The following CNTN4 variants were observed in gnomAD, a reference collection of about 807,000 sequenced individuals.
CNTN4 encodes the protein contactin 4, also known as contactin-4.
A neutral mutation model predicts 122.5 loss-of-function variants in CNTN4; 77 were observed. That is an observed-to-expected ratio of 0.63 (90% CI 0.52 to 0.76). The LOEUF is 0.76. Ranked by LOEUF, CNTN4 falls within the 30% of genes least tolerant of loss-of-function variation. The pLI is 0.00. For missense variants in CNTN4, 1,256 were observed against 1,259.1 expected, an observed-to-expected ratio of 1.00 and a Z score of 0.04; for synonymous variants, 512 against 447.0, an observed-to-expected ratio of 1.15 and a Z score of -1.83.
intron 2 of CNTN4, among the ~76,000 whole-genome samples, chr3:2,185,857 G>A (rs2037228071): frequency 6.6e-6 from 1 of 151,854 alleles, no homozygotes; most frequent in South Asian, 2.1e-4. Context: ...GAGGCATGTG[G>A]GACTCCATAG....
At chr3:2,919,734 G>C (rs1042905616) in intron 12 of CNTN4, among the ~76,000 whole-genome samples, 19 of 152,174 alleles carry the variant, frequency 1.2e-4, no homozygotes, top group African/African-American at 4.1e-4. Context: ...AAGTCGATGT[G>C]ATTACAGAGT....
chr3:2,120,397 ATATATATATTT>A (rs2033678534), intron 2 of CNTN4, among the ~76,000 whole-genome samples: 1 of 30,668 alleles, frequency 3.3e-5, no homozygotes, highest in African/African-American at 9.2e-5. Flanking sequence ...ATATATATAT[ATATATATATTT>A]TTTTTTTTTT....
intron 7 of CNTN4, among the ~76,000 whole-genome samples, chr3:2,829,241 A>G (rs142685808): frequency 3.5e-4 from 54 of 152,280 alleles, no homozygotes; most frequent in African/African-American, 1.2e-3. Flanking sequence ...TTATAAGGTG[A>G]TGCCTTTCTG....
At chr3:2,686,395 C>T (rs1246786221) in intron 4 of CNTN4, among the ~76,000 whole-genome samples, 3 of 152,104 alleles carry the variant, frequency 2.0e-5, no homozygotes, top group African/African-American at 4.8e-5. Context: ...ACCCACTCCA[C>T]CCAACCCTAC....
chr3:2,630,382 T>G (rs1344451681), intron 4 of CNTN4, among the ~76,000 whole-genome samples: 1 of 152,282 alleles, frequency 6.6e-6, no homozygotes, highest in Non-Finnish European at 1.5e-5. Flanking sequence ...GAGGTTGCAG[T>G]GAGCCAAGAT....
chr3:2,379,594 G>A (rs1312314862), intron 3 of CNTN4, among the ~76,000 whole-genome samples: 1 of 152,130 alleles, frequency 6.6e-6, no homozygotes, highest in Non-Finnish European at 1.5e-5. Context: ...TATAAAATAT[G>A]TCAGGGATAG....
At chr3:2,677,477 C>CACCTAT in intron 4 of CNTN4, among the ~76,000 whole-genome samples, 1 of 26,506 alleles carries the variant, frequency 3.8e-5, no homozygotes, top group African/African-American at 1.4e-4. Flanking sequence ...TCCATCTATC[C>CACCTAT]ATCTATATCT....
At chr3:2,925,940 T>A (rs2094469507) in intron 13 of CNTN4, among the ~76,000 whole-genome samples, 161 bp downstream of exon 13, 1 of 152,188 alleles carries the variant, frequency 6.6e-6, no homozygotes, top group South Asian at 2.1e-4. Context: ...AAGTTATTGA[T>A]CTTTATAGTC....
At chr3:2,548,677 A>G (rs2078349898) in intron 3 of CNTN4, among the ~76,000 whole-genome samples, 1 of 152,056 alleles carries the variant, frequency 6.6e-6, no homozygotes, top group African/African-American at 2.4e-5. Flanking sequence ...TTGGTTCCAT[A>G]TGAAATTTGA....
At chr3:2,837,905 C>T (rs2093263686) in intron 7 of CNTN4, among the ~76,000 whole-genome samples, 1 of 152,128 alleles carries the variant, frequency 6.6e-6, no homozygotes, top group African/African-American at 2.4e-5. Flanking sequence ...TTATTTTCAA[C>T]AAAGTCCCAT....
chr3:2,358,751 T>G (rs1389750404), intron 3 of CNTN4, among the ~76,000 whole-genome samples: 1 of 152,178 alleles, frequency 6.6e-6, no homozygotes, highest in Non-Finnish European at 1.5e-5. Flanking sequence ...TAATGTCAAT[T>G]TATTGGTTAT....
chr3:2,826,348 CA>C (rs1291284266), intron 7 of CNTN4, among the ~76,000 whole-genome samples: 1 of 152,150 alleles, frequency 6.6e-6, no homozygotes, highest in Non-Finnish European at 1.5e-5. Flanking sequence ...CTTATCCCAG[CA>C]AAACGTCTCT....
intron 2 of CNTN4, among the ~76,000 whole-genome samples, chr3:2,213,374 G>A (rs1414578895): frequency 1.3e-5 from 2 of 152,054 alleles, no homozygotes; most frequent in African/African-American, 4.8e-5. Context: ...TGTTCCCTCT[G>A]AGCCATGTCC....
At chr3:2,349,023 T>C (rs75278978) in intron 3 of CNTN4, among the ~76,000 whole-genome samples, 19,352 of 152,236 alleles carry the variant, frequency 0.13, 1,534 homozygotes, top group Non-Finnish European at 0.18. Context: ...AACTTTGTCC[T>C]CAGTACTATA....
chr3:2,439,719 A>G (rs2048368382), intron 3 of CNTN4, among the ~76,000 whole-genome samples: 1 of 152,222 alleles, frequency 6.6e-6, no homozygotes. Context: ...GCTAAGGGAA[A>G]GGAGTGAAAG....
At chr3:2,235,707 T>C (rs2039656959) in intron 2 of CNTN4, among the ~76,000 whole-genome samples, 1 of 152,162 alleles carries the variant, frequency 6.6e-6, no homozygotes, top group Non-Finnish European at 1.5e-5. Context: ...ATTTTGTTAA[T>C]TTAGAAGTAA....
intron 3 of CNTN4, among the ~76,000 whole-genome samples, chr3:2,450,469 T>TGAAA (rs2048788835): frequency 6.6e-6 from 1 of 152,172 alleles, no homozygotes; most frequent in Non-Finnish European, 1.5e-5. Flanking sequence ...TATGTTTTCT[T>TGAAA]GTTTAAAGAT....
chr3:2,564,818 A>G (rs1355853552), intron 3 of CNTN4, among the ~76,000 whole-genome samples: 1 of 152,160 alleles, frequency 6.6e-6, no homozygotes, highest in Non-Finnish European at 1.5e-5. Flanking sequence ...AGAAATCCGT[A>G]GTGGGTTTAT....
intron 13 of CNTN4, among the ~76,000 whole-genome samples, chr3:2,946,145 C>T (rs555269653): frequency 2.0e-5 from 3 of 152,210 alleles, no homozygotes; most frequent in East Asian, 3.9e-4. Flanking sequence ...TCAGCCATCC[C>T]TGGGGGATGC....
Sources: allele counts gnomAD v4.1 joint callset (sites outside exome capture counted in the v4.1 genomes callset), GRCh38; gene constraint gnomAD v4.1.1; transcripts MANE v1.5; gene names NCBI Gene and HGNC (gene_info 2026-07-23, HGNC 2026-07-21).